XKRX: variants seen among roughly 807,000 people sequenced by gnomAD.
XKRX encodes XK-related protein 2.
A neutral mutation model predicts 22.4 loss-of-function variants in XKRX; 11 were observed. That is an observed-to-expected ratio of 0.49 (90% CI 0.31 to 0.81). XKRX has a LOEUF of 0.81. XKRX is among the 40% of genes least tolerant of loss of function. XKRX has a pLI of 0.05. For missense variants in XKRX, 320 were observed against 336.5 expected (o/e 0.95, Z 0.38); for synonymous variants, 114 against 132.2 (o/e 0.86, Z 0.94).
Position 100,914,632 on chromosome X carries a change from G to C in XKRX, c.1056C>G (p.His352Gln). The change falls in exon 3 of 3, where the codon CAC (histidine) becomes CAG (glutamine). Residue 352 changes from histidine (H) to glutamine (Q), a missense_variant. Transcript: ENST00000372956. The stretch of plus-strand genomic sequence containing the variant: ...CATTCTCTACCAACCTCACACTATA[G>C]TGCAGGCCCATATGTCCCCAGTTCT... ...KGQNWGHMGL[H>Q]YSVRLVENVI... The C allele has an allele frequency of 8.3e-7, 1 of 1,211,802 alleles. No homozygotes were observed. The highest frequency in any genetic ancestry group is 1.7e-5 in the African/African-American group (1 of 57,800).
Position 100,928,506 on chromosome X carries a change from G to T in XKRX, c.-202C>A. On this transcript the variant is annotated 5_prime_UTR_variant, in exon 1 of 3. Coordinates refer to ENST00000372956, the MANE Select transcript of XKRX (RefSeq NM_212559.3). ...TTCGACTTGGAGTCTGGGATGGAAA[G>T]CCCAGGAGTACCACTTTGAACTTGA... The T allele has an allele frequency of 9.3e-7, 1 of 1,070,452 alleles. No homozygotes were observed. The highest frequency in any genetic ancestry group is 1.2e-6 in the Non-Finnish European group (1 of 831,616). 88.2% of individuals were successfully genotyped at this position (1,070,452 alleles called of 1,213,427 possible).
At chrX:100,945,806 CAAAA>C in the XKRX span, among the ~76,000 whole-genome samples, 377 of 31,841 alleles carry the variant, frequency 0.012, 2 homozygotes, top group African/African-American at 0.039. Flanking sequence ...ATTCTGTCTC[CAAAA>C]AAAAAAAAAA....
At chrX:100,934,932 T>C in the XKRX span, among the ~76,000 whole-genome samples, 1 of 111,346 alleles carries the variant, frequency 9.0e-6, no homozygotes, top group Non-Finnish European at 1.9e-5. Context: ...TGCATTTCCC[T>C]GAGAGCTAAA....
the XKRX span, among the ~76,000 whole-genome samples, chrX:100,950,959 G>A: frequency 1.8e-4 from 20 of 110,758 alleles, no homozygotes; most frequent in Non-Finnish European, 2.6e-4. Flanking sequence ...AGGGCTGGGT[G>A]CGGGGGCTCA....
At chrX:100,904,748 G>C in the XKRX span, among the ~76,000 whole-genome samples, 1 of 111,744 alleles carries the variant, frequency 8.9e-6, no homozygotes, top group Non-Finnish European at 1.9e-5. Context: ...AGGTCTTATG[G>C]GTAAGTGAGC....
chrX:100,927,059 G>A (rs2085500627), intron 1 of XKRX, among the ~76,000 whole-genome samples: 1 of 111,343 alleles, frequency 9.0e-6, no homozygotes, highest in African/African-American at 3.3e-5. Context: ...AATTTACAAA[G>A]CATCCAAAAG....
chrX:100,928,986 G>A (rs972211176), upstream of XKRX: 39 of 252,211 alleles, frequency 1.5e-4, 1 homozygote, highest in Non-Finnish European at 5.5e-5. Flanking sequence ...CGCCTGGCCC[G>A]GGAGTGGAGT....
chrX:100,922,840 T>G lies in XKRX; in HGVS notation c.557A>C (p.Tyr186Ser). 1 of 1,210,935 alleles carries G rather than the reference T, an allele frequency of 8.3e-7. No homozygotes were observed. The highest frequency in any genetic ancestry group is 1.8e-5 in the South Asian group (1 of 56,931). ...AFLGSVPQLTYQLYVSLISAE... is the reference protein window; with the variant it reads ...AFLGSVPQLTSQLYVSLISAE... Reference sequence around the variant, plus strand: ...AGAGATCAGGCTCACATAGAGCTGATAGGTCAGCTGGGGCACTGAGCCCAG... The same window carrying G: ...AGAGATCAGGCTCACATAGAGCTGAGAGGTCAGCTGGGGCACTGAGCCCAG... The change falls in exon 2 of 3, where the codon TAT (tyrosine) becomes TCT (serine). Residue 186 changes from tyrosine to serine, a missense_variant. By Grantham distance (144) the Tyr-to-Ser change is moderately radical. Transcript: ENST00000372956.
In XKRX at chrX:100,914,884, C is replaced by G; in HGVS notation, c.804G>C (p.Lys268Asn). ...LVLFSATLKLKAVPFLVLNFL... is the reference protein window; with the variant it reads ...LVLFSATLKLNAVPFLVLNFL... ...AGTTGAGCACTAGGAAGGGCACAGC[C>G]TTCAATTTCAAAGTGGCTGAGAAGA... Residue 268 changes from lysine (K) to asparagine (N), a missense_variant, in exon 3 of 3, where the codon AAG (lysine) becomes AAC (asparagine). By Grantham distance (94) the Lys-to-Asn change is moderately conservative. Transcript: ENST00000372956. 1 of 1,211,773 alleles carries G rather than the reference C, an allele frequency of 8.3e-7. No individual in the cohort carries two copies. Among genetic ancestry groups the G allele is most frequent in the Non-Finnish European group, 1.1e-6 (1 of 895,560 alleles).
chrX:100,898,632 C>T, the XKRX span, among the ~76,000 whole-genome samples: 4 of 108,697 alleles, frequency 3.7e-5, no homozygotes, highest in African/African-American at 1.3e-4. Context: ...TGCACATGCC[C>T]AGGGTTGAAC....
Position 100,923,065 on chromosome X carries a change from CAGA to C in XKRX, c.336-7_336-5del, listed in dbSNP as rs746273390. On this transcript the variant is annotated splice_region_variant and splice_polypyrimidine_tract_variant and intron_variant, in intron 1 of 2. Transcript: ENST00000372956. ...CTTAATCATGGCCTCCAAACATCTGCAGAAGTAAAGCATCATGCAAACTTAACT... is the reference window on the plus strand; with the variant it reads ...CTTAATCATGGCCTCCAAACATCTGCAGTAAAGCATCATGCAAACTTAACT... The C allele has an allele frequency of 8.3e-7, 1 of 1,210,866 alleles. No individual in the cohort carries two copies. The highest frequency in any genetic ancestry group is 1.1e-6 in the Non-Finnish European group (1 of 894,979).
At chrX:100,955,837 T>C in the XKRX span, among the ~76,000 whole-genome samples, 1 of 112,018 alleles carries the variant, frequency 8.9e-6, no homozygotes, top group Non-Finnish European at 1.9e-5. Context: ...AATGGAATAC[T>C]GTTCAGCAAT....
chrX:100,888,740 T>C, the XKRX span: 1 of 244,647 alleles, frequency 4.1e-6, no homozygotes, highest in Non-Finnish European at 7.2e-6. Context: ...TGAGATAACA[T>C]GTGTATGCTG....
At chrX:100,922,463 A>C (rs761611299) in intron 2 of XKRX, among the ~76,000 whole-genome samples, 1 of 111,926 alleles carries the variant, frequency 8.9e-6, no homozygotes, top group South Asian at 3.8e-4. Context: ...TGACATTTTT[A>C]GTCTAAACAG....
chrX:100,919,036 A>G (rs1383572667), intron 2 of XKRX, among the ~76,000 whole-genome samples: 1 of 111,914 alleles, frequency 8.9e-6, no homozygotes, highest in Non-Finnish European at 1.9e-5. Flanking sequence ...ATACAATTTT[A>G]CTGAGGTACA....
At chrX:100,910,274 C>G (rs1569453408), downstream of XKRX, among the ~76,000 whole-genome samples, 1 of 110,935 alleles carries the variant, frequency 9.0e-6, no homozygotes, top group Non-Finnish European at 1.9e-5. Flanking sequence ...TACACATGTA[C>G]CCTATGTTGC....
chrX:100,904,764 C>T, the XKRX span, among the ~76,000 whole-genome samples: 4 of 111,614 alleles, frequency 3.6e-5, no homozygotes, highest in South Asian at 1.5e-3. Context: ...TGAGCCAATC[C>T]GATGGAGAAG....
At chrX:100,945,187 T>G in the XKRX span, among the ~76,000 whole-genome samples, 2 of 106,904 alleles carry the variant, frequency 1.9e-5, no homozygotes, top group African/African-American at 6.9e-5. Flanking sequence ...CAGGTGATCC[T>G]CCTGCCTCAG....
chrX:100,917,687 AAAG>A (rs2085449729), intron 2 of XKRX, among the ~76,000 whole-genome samples: 2 of 93,823 alleles, frequency 2.1e-5, no homozygotes, highest in African/African-American at 8.9e-5. Flanking sequence ...AGAAAGAAAG[AAAG>A]AAAGAAAGAA....
Sources: allele counts gnomAD v4.1 joint callset (sites outside exome capture counted in the v4.1 genomes callset), GRCh38; gene constraint gnomAD v4.1.1; transcripts MANE v1.5; gene names NCBI Gene and HGNC (gene_info 2026-07-23, HGNC 2026-07-21).